The following FGF14 variants were observed in gnomAD, a reference collection of about 807,000 sequenced individuals.
FGF14 encodes fibroblast growth factor homologous factor 4.
FGF14 carries 5 observed loss-of-function variants against 25.5 expected under a neutral mutation model. The ratio of observed to expected loss-of-function variants is 0.20; its 90% CI spans 0.10 to 0.41. The LOEUF is 0.41. Ranked by LOEUF, FGF14 falls within the 10% of genes least tolerant of loss-of-function variation. FGF14 has a pLI of 1.00. For synonymous variants in FGF14, 138 were observed against 118.3 expected (o/e 1.17, Z -1.08); for missense variants, 222 against 320.1 (o/e 0.69, Z 2.34).
intron 1 of FGF14, among the ~76,000 whole-genome samples, chr13:102,037,270 T>C (rs1317825109): frequency 6.6e-6 from 1 of 152,150 alleles, no homozygotes; most frequent in Non-Finnish European, 1.5e-5. Flanking sequence ...TATGTCAAAA[T>C]TCCAACACAG....
chr13:101,794,512 G>C (rs187092971), intron 3 of FGF14, among the ~76,000 whole-genome samples: 1 of 151,966 alleles, frequency 6.6e-6, no homozygotes, highest in Admixed American at 6.6e-5. Flanking sequence ...TTTGATACAC[G>C]AACTAATATC....
intron 1 of FGF14, among the ~76,000 whole-genome samples, chr13:102,131,278 T>C (rs567273325): frequency 5.9e-5 from 9 of 152,378 alleles, no homozygotes; most frequent in African/African-American, 2.2e-4. Context: ...AAATCCATCA[T>C]GTGACCAGCT....
intron 3 of FGF14, among the ~76,000 whole-genome samples, chr13:101,768,466 T>C (rs966393270): frequency 2.6e-5 from 4 of 152,108 alleles, no homozygotes; most frequent in Non-Finnish European, 5.9e-5. Flanking sequence ...TTTGACACAC[T>C]GATACTAAAG....
chr13:102,224,759 C>G (rs1042723882), intron 1 of FGF14, among the ~76,000 whole-genome samples: 1 of 152,100 alleles, frequency 6.6e-6, no homozygotes, highest in Non-Finnish European at 1.5e-5. Context: ...TATAATTACT[C>G]AAACATTAGC....
At chr13:101,866,191 T>C (rs948620360) in intron 3 of FGF14, among the ~76,000 whole-genome samples, 15 of 152,164 alleles carry the variant, frequency 9.9e-5, no homozygotes, top group Admixed American at 8.5e-4. Flanking sequence ...TTTGAAATTA[T>C]ACTTCTCAAT....
At chr13:102,097,098 G>GA (rs1315660564) in intron 1 of FGF14, among the ~76,000 whole-genome samples, 5 of 149,404 alleles carry the variant, frequency 3.3e-5, no homozygotes, top group Non-Finnish European at 7.4e-5. Flanking sequence ...CTATATTCTT[G>GA]AAAAAATCCC....
chr13:102,037,415 C>G (rs534440396), intron 1 of FGF14, among the ~76,000 whole-genome samples: 1 of 152,054 alleles, frequency 6.6e-6, no homozygotes, highest in Non-Finnish European at 1.5e-5. Context: ...TTTTCAAAGC[C>G]AGCAAAATTG....
At chr13:101,975,851 G>C (rs1330016487) in intron 1 of FGF14, among the ~76,000 whole-genome samples, 1 of 152,104 alleles carries the variant, frequency 6.6e-6, no homozygotes, top group Non-Finnish European at 1.5e-5. Context: ...TGACAGGAGA[G>C]AACAAAATCC....
intron 1 of FGF14, among the ~76,000 whole-genome samples, chr13:101,906,616 C>G (rs983054078): frequency 6.6e-6 from 1 of 152,094 alleles, no homozygotes; most frequent in Non-Finnish European, 1.5e-5. Context: ...GCATTCATGT[C>G]TCGTTGTTGA....
chr13:101,874,628 A>G (rs1162679612), intron 2 of FGF14, among the ~76,000 whole-genome samples: 1 of 151,858 alleles, frequency 6.6e-6, no homozygotes, highest in Admixed American at 6.6e-5. Context: ...ATTAAAAATG[A>G]TCACAGATGC....
At chr13:101,909,710 A>G (rs2032684162) in intron 1 of FGF14, among the ~76,000 whole-genome samples, 1 of 152,178 alleles carries the variant, frequency 6.6e-6, no homozygotes. Flanking sequence ...TAGAACTAGA[A>G]ATACCATTTG....
At position 102,233,560 on chromosome 13, in the gene FGF14, T is replaced by G. The variant is rs189207890; in HGVS notation, c.208+167911A>C. Among the ~76,000 whole-genome samples the G allele has an allele frequency of 1.5e-3, 233 of 152,300 alleles. 3 individuals are homozygous for G. Among genetic ancestry groups the G allele is most frequent in the Admixed American group, 1.9e-3 (29 of 15,300 alleles). ...CAGCACCTATAACAGAGCCTGCTAC[T>G]AGGAAGAGCTTGAATTAAATTGTTA... On this transcript the variant is annotated intron_variant, in intron 1 of 4. Transcript: ENST00000376131.
At position 102,189,102 on chromosome 13, in the gene FGF14, A is replaced by G. The variant is rs776288720; in HGVS notation, c.208+212369T>C. Among the ~76,000 whole-genome samples, 182 of 150,022 alleles carry G rather than the reference A, an allele frequency of 1.2e-3. 3 individuals carry two copies. Among genetic ancestry groups the G allele is most frequent in the Non-Finnish European group, 2.2e-3 (150 of 67,686 alleles). On this transcript the variant is annotated intron_variant, in intron 1 of 4. Coordinates refer to the FGF14 transcript ENST00000376131. Reference sequence around the variant, plus strand: ...AAAAAGAGAAAGAGAGAAAGGAGGGAGAGAGAGATAGAGAGAGAGAGAGAA... The same window carrying G: ...AAAAAGAGAAAGAGAGAAAGGAGGGGGAGAGAGATAGAGAGAGAGAGAGAA...
intron 1 of FGF14, among the ~76,000 whole-genome samples, chr13:101,968,943 G>C (rs912314364): frequency 5.3e-5 from 8 of 150,974 alleles, no homozygotes; most frequent in Non-Finnish European, 8.8e-5. Context: ...AAGGAAGATG[G>C]GTTTTTATCA....
intron 3 of FGF14, among the ~76,000 whole-genome samples, chr13:101,769,661 G>C (rs1378025748): frequency 6.6e-6 from 1 of 152,060 alleles, no homozygotes; most frequent in Non-Finnish European, 1.5e-5. Flanking sequence ...GAACAGACAT[G>C]GAATAAACTT....
At chr13:102,024,045 G>A (rs1431922695) in intron 1 of FGF14, among the ~76,000 whole-genome samples, 2 of 151,900 alleles carry the variant, frequency 1.3e-5, no homozygotes, top group Admixed American at 6.6e-5. Flanking sequence ...CATTTCAGTT[G>A]TCTCCACTTT....
chr13:101,900,844 A>C (rs2138982168), intron 1 of FGF14, among the ~76,000 whole-genome samples: 1 of 152,290 alleles, frequency 6.6e-6, no homozygotes, highest in Admixed American at 6.5e-5. Context: ...AATAATATTT[A>C]TTTTGAAAGT....
intron 3 of FGF14, among the ~76,000 whole-genome samples, chr13:101,756,887 A>G (rs114228360): frequency 0.014 from 2,078 of 152,338 alleles, 50 homozygotes; most frequent in African/African-American, 0.048. Context: ...TCAAATTTTA[A>G]AAAATTAAGT....
At chr13:101,873,670 A>G (rs767258574) in intron 2 of FGF14, among the ~76,000 whole-genome samples, 2 of 152,156 alleles carry the variant, frequency 1.3e-5, no homozygotes, top group African/African-American at 4.8e-5. Flanking sequence ...GAAACTGAGC[A>G]GAGATACATG....
Sources: allele counts gnomAD v4.1 joint callset (sites outside exome capture counted in the v4.1 genomes callset), GRCh38; gene constraint gnomAD v4.1.1; transcripts MANE v1.5; gene names NCBI Gene and HGNC (gene_info 2026-07-23, HGNC 2026-07-21).